The following PTPN4 variants were observed in gnomAD, a reference collection of about 807,000 sequenced individuals.
PTPN4 encodes protein tyrosine phosphatase non-receptor type 4.
Under a neutral mutation model 135.5 loss-of-function variants are expected in PTPN4, and 49 were observed. The observed-to-expected ratio is 0.36, with a 90% CI of 0.29 to 0.46. The LOEUF (loss-of-function observed/expected upper bound fraction) is 0.46, where lower values mean the gene tolerates loss of function less well. Ranked by LOEUF, PTPN4 falls within the 20% of genes least tolerant of loss-of-function variation. The pLI is 1.00. For synonymous variants in PTPN4, 333 were observed against 369.9 expected, an observed-to-expected ratio of 0.90 and a Z score of 1.14; for missense variants, 860 against 1,101.0, an observed-to-expected ratio of 0.78 and a Z score of 3.10.
chr2:119,878,682 G>T (rs1272247544), intron 5 of PTPN4, among the ~76,000 whole-genome samples: 2 of 142,094 alleles, frequency 1.4e-5, no homozygotes, highest in Non-Finnish European at 3.0e-5. Context: ...TGGGTGCGCA[G>T]GTGTTCCTTT....
chr2:119,913,817 A>G (rs1410217669), intron 10 of PTPN4, among the ~76,000 whole-genome samples: 1 of 152,234 alleles, frequency 6.6e-6, no homozygotes, highest in East Asian at 1.9e-4. Context: ...GTTATACAAA[A>G]TGACAGAAAC....
intron 13 of PTPN4, among the ~76,000 whole-genome samples, chr2:119,928,663 T>C (rs1223692861): frequency 6.6e-6 from 1 of 152,130 alleles, no homozygotes; most frequent in Non-Finnish European, 1.5e-5. Flanking sequence ...TGAGTCCATG[T>C]ATTTTTTAAA....
chr2:119,892,517 A>G (rs932145191), intron 9 of PTPN4, among the ~76,000 whole-genome samples: 1 of 152,198 alleles, frequency 6.6e-6, no homozygotes, highest in African/African-American at 2.4e-5. Context: ...TCTCACTGAG[A>G]AGGTAAACAG....
intron 10 of PTPN4, among the ~76,000 whole-genome samples, chr2:119,913,946 A>C (rs910816876): frequency 6.6e-6 from 1 of 152,184 alleles, no homozygotes; most frequent in Non-Finnish European, 1.5e-5. Flanking sequence ...TTTTTCTGAA[A>C]AAACTTTGTA....
chr2:119,949,887 A>C (rs945059181), intron 18 of PTPN4, among the ~76,000 whole-genome samples: 3 of 151,964 alleles, frequency 2.0e-5, no homozygotes, highest in Non-Finnish European at 4.4e-5. Flanking sequence ...ACACACACAC[A>C]CAGAGCAAGA....
chr2:119,768,220 C>T (rs1690669942), intron 1 of PTPN4, among the ~76,000 whole-genome samples: 1 of 152,068 alleles, frequency 6.6e-6, no homozygotes, highest in Admixed American at 6.6e-5. Context: ...AAGTTGGCTC[C>T]TCTATCTCCT....
chr2:119,844,239 G>C (rs1421036194), intron 2 of PTPN4, among the ~76,000 whole-genome samples: 1 of 129,744 alleles, frequency 7.7e-6, no homozygotes, highest in African/African-American at 3.0e-5. Context: ...GGGCAGAGGC[G>C]CCCCTCACCT....
At chr2:119,776,627 A>G (rs1048817642) in intron 1 of PTPN4, among the ~76,000 whole-genome samples, 4 of 152,020 alleles carry the variant, frequency 2.6e-5, no homozygotes, top group South Asian at 2.1e-4. Context: ...AGCAACACCA[A>G]TCTTTCCTCT....
chr2:119,767,423 G>C (rs1042867692), intron 1 of PTPN4, among the ~76,000 whole-genome samples: 2 of 152,160 alleles, frequency 1.3e-5, no homozygotes, highest in African/African-American at 4.8e-5. Flanking sequence ...TAGCAAAACA[G>C]GACAATCTCC....
intron 3 of PTPN4, among the ~76,000 whole-genome samples, chr2:119,874,117 G>A (rs951490350): frequency 2.0e-5 from 3 of 152,110 alleles, no homozygotes; most frequent in Admixed American, 2.0e-4. Context: ...GAAATATTCA[G>A]CAATAAAAAG....
chr2:119,819,771 T>G (rs1447479470), intron 2 of PTPN4, among the ~76,000 whole-genome samples: 1 of 152,402 alleles, frequency 6.6e-6, no homozygotes, highest in African/African-American at 2.4e-5. Flanking sequence ...TTTACATATC[T>G]AGCATCTTAA....
chr2:119,771,341 A>C (rs1038798671), intron 1 of PTPN4: 1 of 152,124 alleles, frequency 6.6e-6, no homozygotes, highest in Non-Finnish European at 1.5e-5. Flanking sequence ...GAGACATATA[A>C]ATCCTTATTG....
chr2:119,864,162 ACATTGGTTAGCGATTGGCTAT>A (rs1355257377), intron 3 of PTPN4, among the ~76,000 whole-genome samples: 2 of 152,270 alleles, frequency 1.3e-5, no homozygotes, highest in African/African-American at 4.8e-5. Flanking sequence ...TACAGAAATA[ACATTGGTTAGCGATTGGCTAT>A]ACATGGTTGA....
chr2:119,796,013 T>C (rs1048035763), intron 1 of PTPN4, among the ~76,000 whole-genome samples: 1 of 152,166 alleles, frequency 6.6e-6, no homozygotes, highest in Non-Finnish European at 1.5e-5. Context: ...TTGGGGTGCC[T>C]GCGGGCCCCT....
At chr2:119,930,653 T>A (rs1324407372) in intron 13 of PTPN4, among the ~76,000 whole-genome samples, 2 of 152,192 alleles carry the variant, frequency 1.3e-5, no homozygotes, top group Non-Finnish European at 2.9e-5. Context: ...AGTGTTATTG[T>A]GCGTGTTAGT....
At chr2:119,795,139 G>A (rs1691229070) in intron 1 of PTPN4, among the ~76,000 whole-genome samples, 1 of 152,178 alleles carries the variant, frequency 6.6e-6, no homozygotes, top group African/African-American at 2.4e-5. Context: ...ATCTCTTGGT[G>A]TCTGGCTGAG....
At chr2:119,930,502 G>A (rs1678888695) in intron 13 of PTPN4, among the ~76,000 whole-genome samples, 2 of 152,068 alleles carry the variant, frequency 1.3e-5, no homozygotes. Context: ...GTCATATTAT[G>A]CTAATAAATT....
intron 18 of PTPN4, among the ~76,000 whole-genome samples, chr2:119,947,583 TC>T (rs1308980188): frequency 3.3e-5 from 5 of 152,162 alleles, no homozygotes; most frequent in African/African-American, 1.2e-4. Context: ...ACTTTTAAAA[TC>T]ATCGACTTTT....
At chr2:119,814,529 T>A (rs1676958526) in intron 2 of PTPN4, among the ~76,000 whole-genome samples, 1 of 152,212 alleles carries the variant, frequency 6.6e-6, no homozygotes, top group Non-Finnish European at 1.5e-5. Context: ...CCCCTATTTC[T>A]AGAGTTTGTG....
Sources: gnomAD v4.1 joint callset for allele counts (sites outside exome capture counted in the v4.1 genomes callset) on GRCh38, gnomAD v4.1.1 for gene constraint, MANE v1.5 for transcripts, NCBI Gene and HGNC (gene_info 2026-07-23, HGNC 2026-07-21) for gene names.